TENM2: variants seen among roughly 807,000 people sequenced by gnomAD.
The protein encoded by TENM2 is teneurin transmembrane protein 2, also known as teneurin-2.
In TENM2, 52 loss-of-function variants were observed where a neutral mutation model predicts 245.2. That is an observed-to-expected ratio of 0.21 (90% CI 0.17 to 0.27). The LOEUF (loss-of-function observed/expected upper bound fraction) is 0.27. Ranked by LOEUF, TENM2 falls within the 10% of genes least tolerant of loss-of-function variation. The probability of loss-of-function intolerance (pLI) is 1.00; values close to 1 mark genes in which losing one functional copy is unlikely to be tolerated. For missense variants in TENM2, 3,046 were observed against 3,666.8 expected, an observed-to-expected ratio of 0.83 and a Z score of 4.37; for synonymous variants, 1,363 against 1,438.9, an observed-to-expected ratio of 0.95 and a Z score of 1.19.
At chr5:168,190,787 A>G (rs1760885602) in intron 14 of TENM2, 1 of 385,378 alleles carries the variant, frequency 2.6e-6, no homozygotes. Flanking sequence ...TGCTGGAGAC[A>G]CCTGTTGATT....
At chr5:167,079,711 G>A in the TENM2 span, among the ~76,000 whole-genome samples, 1 of 152,128 alleles carries the variant, frequency 6.6e-6, no homozygotes, top group Admixed American at 6.6e-5. Flanking sequence ...TTTGAAGTGC[G>A]TTTATAAAGT....
intron 1 of TENM2, among the ~76,000 whole-genome samples, chr5:167,316,113 C>A (rs899644154): frequency 6.6e-6 from 1 of 152,122 alleles, no homozygotes; most frequent in African/African-American, 2.4e-5. Context: ...TTTATCATGC[C>A]TCATGCTTCT....
chr5:167,748,096 C>T (rs1761712354), intron 2 of TENM2, among the ~76,000 whole-genome samples: 1 of 152,162 alleles, frequency 6.6e-6, no homozygotes, highest in African/African-American at 2.4e-5. Flanking sequence ...CCACTTTCTA[C>T]TGAAGAATTA....
intron 10 of TENM2, among the ~76,000 whole-genome samples, chr5:168,124,222 C>G (rs1795683028): frequency 6.6e-6 from 1 of 152,184 alleles, no homozygotes; most frequent in African/African-American, 2.4e-5. Flanking sequence ...ATTTTCACAC[C>G]CAACTTCGCC....
intron 4 of TENM2, among the ~76,000 whole-genome samples, chr5:167,956,901 G>A (rs181146204): frequency 9.2e-5 from 14 of 152,236 alleles, no homozygotes; most frequent in African/African-American, 2.2e-4. Context: ...TTTTCGCATC[G>A]ATGTTCAGCA....
intron 2 of TENM2, among the ~76,000 whole-genome samples, chr5:167,810,382 T>G (rs1766545362): frequency 6.6e-6 from 1 of 152,066 alleles, no homozygotes; most frequent in South Asian, 2.1e-4. Context: ...CAATTGTCAC[T>G]GTTTGGGTCC....
intron 2 of TENM2, among the ~76,000 whole-genome samples, chr5:167,480,597 A>C (rs1767696527): frequency 6.6e-6 from 1 of 152,206 alleles, no homozygotes; most frequent in Non-Finnish European, 1.5e-5. Flanking sequence ...TTGACACAAA[A>C]TCTAGATGAT....
intron 17 of TENM2, among the ~76,000 whole-genome samples, chr5:168,201,639 C>T (rs1761951066): frequency 6.6e-6 from 1 of 152,108 alleles, no homozygotes; most frequent in African/African-American, 2.4e-5. Context: ...TCACATAGCC[C>T]ATCATTGTTC....
chr5:167,541,230 T>A (rs1485514865), intron 2 of TENM2, among the ~76,000 whole-genome samples: 1 of 152,154 alleles, frequency 6.6e-6, no homozygotes. Context: ...GTTTCAATGA[T>A]GTTGTTCTTA....
At chr5:167,229,269 T>C in the TENM2 span, among the ~76,000 whole-genome samples, 1 of 152,208 alleles carries the variant, frequency 6.6e-6, no homozygotes, top group African/African-American at 2.4e-5. Context: ...GTGGTGGCAG[T>C]TGTTGGCTAA....
intron 7 of TENM2, among the ~76,000 whole-genome samples, chr5:168,075,927 T>A (rs1379692758): frequency 6.6e-6 from 1 of 152,106 alleles, no homozygotes; most frequent in East Asian, 1.9e-4. Flanking sequence ...TTCACTATCA[T>A]GAGAACAGCA....
chr5:167,756,107 A>G (rs1762295270), intron 2 of TENM2, among the ~76,000 whole-genome samples: 1 of 152,136 alleles, frequency 6.6e-6, no homozygotes, highest in Admixed American at 6.6e-5. Context: ...TTAGAACTGG[A>G]CATGTTGGTA....
At chr5:167,776,435 A>G (rs1257168334) in intron 2 of TENM2, among the ~76,000 whole-genome samples, 1 of 151,380 alleles carries the variant, frequency 6.6e-6, no homozygotes, top group African/African-American at 2.4e-5. Context: ...CATCTCTACA[A>G]AAATACAAAA....
intron 1 of TENM2, among the ~76,000 whole-genome samples, chr5:167,355,868 ATT>A (rs11406123): frequency 8.6e-5 from 12 of 140,284 alleles, no homozygotes; most frequent in Non-Finnish European, 7.6e-5. Context: ...ATGACCCTTA[ATT>A]TTTTTTTTTT....
upstream of TENM2, among the ~76,000 whole-genome samples, chr5:167,280,554 G>A (rs1473996452): frequency 1.3e-5 from 2 of 152,078 alleles, no homozygotes; most frequent in East Asian, 3.9e-4. Context: ...GAAGATTGGG[G>A]TGGGGCCACA....
At chr5:167,440,045 A>G (rs554853757) in intron 2 of TENM2, among the ~76,000 whole-genome samples, 33 of 152,170 alleles carry the variant, frequency 2.2e-4, no homozygotes, top group Admixed American at 5.2e-4. Context: ...AGATTACCAC[A>G]GTCTGATGTT....
At chr5:167,181,672 T>C in the TENM2 span, among the ~76,000 whole-genome samples, 1 of 152,130 alleles carries the variant, frequency 6.6e-6, no homozygotes, top group South Asian at 2.1e-4. Flanking sequence ...TGCAAATAAA[T>C]ATACTAATGA....
At chr5:167,863,861 A>G (rs1461122532) in intron 2 of TENM2, among the ~76,000 whole-genome samples, 2 of 152,172 alleles carry the variant, frequency 1.3e-5, no homozygotes, top group African/African-American at 4.8e-5. Context: ...ATACAAGGCA[A>G]TGATGTTCGA....
chr5:167,069,893 T>C, the TENM2 span, among the ~76,000 whole-genome samples: 3 of 152,196 alleles, frequency 2.0e-5, no homozygotes, highest in African/African-American at 7.2e-5. Context: ...AGAAAAACTA[T>C]AAATTTTGAG....
Sources: allele counts gnomAD v4.1 joint callset (sites outside exome capture counted in the v4.1 genomes callset), GRCh38; gene constraint gnomAD v4.1.1; transcripts MANE v1.5; gene names NCBI Gene and HGNC (gene_info 2026-07-23, HGNC 2026-07-21).